Variants in TBC1D5 observed in about 807,000 individuals in gnomAD.
The protein encoded by TBC1D5 is TBC1 domain family member 5.
TBC1D5 carries 75 observed loss-of-function variants against 100.3 expected under a neutral mutation model. That is an observed-to-expected ratio of 0.75 (90% confidence interval 0.62 to 0.91). The LOEUF (loss-of-function observed/expected upper bound fraction) is 0.91, where lower values mean the gene tolerates loss of function less well. Ranked by LOEUF, TBC1D5 falls within the 40% of genes least tolerant of loss-of-function variation. The pLI, the probability that TBC1D5 is intolerant of heterozygous loss-of-function variation, is 0.00. For synonymous variants in TBC1D5, 323 were observed against 325.6 expected (o/e 0.99, Z 0.09); for missense variants, 910 against 942.4 (o/e 0.97, Z 0.45).
At chr3:17,536,379 T>G (rs903356787) in intron 2 of TBC1D5, among the ~76,000 whole-genome samples, 5 of 152,214 alleles carry the variant, frequency 3.3e-5, no homozygotes, top group Admixed American at 3.3e-4. Context: ...AAAATTTTTT[T>G]ATTGTGGTAA....
chr3:17,508,559 G>T, exon 3 of TBC1D5: 1 of 1,613,254 alleles, frequency 6.2e-7, no homozygotes. Context: ...TTTCAGATAA[G>T]GAATGATACA....
intron 2 of TBC1D5, among the ~76,000 whole-genome samples, chr3:17,596,755 C>T (rs1056726093): frequency 5.4e-5 from 8 of 148,472 alleles, no homozygotes; most frequent in Non-Finnish European, 1.0e-4. Context: ...TGCTTGGTGA[C>T]ACCAATGGGC....
At chr3:17,310,729 ATTAGATGCCTAGCATGTTTCTT>A (rs1404473258) in intron 13 of TBC1D5, among the ~76,000 whole-genome samples, 2 of 152,068 alleles carry the variant, frequency 1.3e-5, no homozygotes, top group African/African-American at 4.8e-5. Flanking sequence ...AAAATTTATC[ATTAGATGCCTAGCATGTTTCTT>A]TTATATAAAG....
At chr3:17,737,190 A>G (rs1388221178) in intron 1 of TBC1D5, among the ~76,000 whole-genome samples, 1 of 151,908 alleles carries the variant, frequency 6.6e-6, no homozygotes. Context: ...TATCTTCCCC[A>G]TGGTGCTTAT....
Position 17,176,942 on chromosome 3 carries a change from T to C in TBC1D5, c.1852+8167A>G, listed in dbSNP as rs553710117. 9.2e-5 allele frequency among the ~76,000 whole-genome samples: 14 copies of C among 152,274 alleles called. 1 individual carries two copies. In the East Asian group the frequency reaches 2.7e-3, roughly 29 times the overall value. ...TATCCTTAGTGGGAATGCTACCCCCTGTGGGAGTGCTACAACGCCAAGGCA... is the reference window on the plus strand; with the variant it reads ...TATCCTTAGTGGGAATGCTACCCCCCGTGGGAGTGCTACAACGCCAAGGCA... On this transcript the variant is annotated intron_variant, in intron 19 of 21. Coordinates refer to ENST00000253692, the Ensembl canonical transcript of TBC1D5.
intron 2 of TBC1D5, among the ~76,000 whole-genome samples, chr3:17,565,901 T>C (rs2096590592): frequency 6.6e-6 from 1 of 152,052 alleles, no homozygotes; most frequent in South Asian, 2.1e-4. Flanking sequence ...CTAGTCTCTT[T>C]AATTACTATA....
At chr3:17,574,936 A>G (rs747193916) in intron 2 of TBC1D5, among the ~76,000 whole-genome samples, 6 of 152,126 alleles carry the variant, frequency 3.9e-5, no homozygotes, top group Non-Finnish European at 8.8e-5. Context: ...TGCTACCCAG[A>G]AAGAGCCTTA....
At chr3:17,720,175 A>C (rs1207201811) in intron 1 of TBC1D5, among the ~76,000 whole-genome samples, 1 of 152,222 alleles carries the variant, frequency 6.6e-6, no homozygotes, top group Non-Finnish European at 1.5e-5. Context: ...CAAGTATTTG[A>C]CTGAAGATCC....
chr3:17,528,629 C>G (rs975654862), intron 2 of TBC1D5, among the ~76,000 whole-genome samples: 1 of 152,076 alleles, frequency 6.6e-6, no homozygotes, highest in Admixed American at 6.5e-5. Flanking sequence ...TTTCACCCCC[C>G]CATTCTCTAC....
intron 13 of TBC1D5, among the ~76,000 whole-genome samples, chr3:17,314,017 G>A (rs566561494): frequency 6.1e-4 from 93 of 152,222 alleles, no homozygotes; most frequent in Admixed American, 1.2e-3. Flanking sequence ...AAAGTGCCCT[G>A]ACCCTGTCTT....
chr3:17,696,872 C>G (rs1205543332), intron 1 of TBC1D5, among the ~76,000 whole-genome samples: 1 of 152,094 alleles, frequency 6.6e-6, no homozygotes, highest in South Asian at 2.1e-4. Flanking sequence ...ACTGGCAAAC[C>G]GAATCCAGCA....
At chr3:17,691,847 A>C (rs932180975) in intron 1 of TBC1D5, among the ~76,000 whole-genome samples, 1 of 151,948 alleles carries the variant, frequency 6.6e-6, no homozygotes, top group African/African-American at 2.4e-5. Context: ...AAAAGAAAGA[A>C]AAAAAGAAAA....
intron 8 of TBC1D5, 55 bp downstream of exon 8, chr3:17,403,126 A>C: frequency 7.0e-7 from 1 of 1,428,022 alleles, no homozygotes; most frequent in Non-Finnish European, 9.5e-7. Flanking sequence ...TAAAATTAGA[A>C]AGAGATAACA....
At chr3:17,648,106 C>G (rs1364455880) in intron 1 of TBC1D5, among the ~76,000 whole-genome samples, 1 of 152,142 alleles carries the variant, frequency 6.6e-6, no homozygotes, top group African/African-American at 2.4e-5. Flanking sequence ...GTAACCAAAA[C>G]AGCATGGTAC....
intron 1 of TBC1D5, among the ~76,000 whole-genome samples, chr3:17,716,448 G>GAAA (rs34983821): frequency 6.7e-6 from 1 of 149,524 alleles, no homozygotes; most frequent in Non-Finnish European, 1.5e-5. Flanking sequence ...TGTTCAGAGG[G>GAAA]AAAAAAAAAA....
intron 15 of TBC1D5, among the ~76,000 whole-genome samples, chr3:17,274,012 T>TAAAA (rs34350746): frequency 2.1e-5 from 3 of 139,588 alleles, no homozygotes; most frequent in African/African-American, 2.6e-5. Context: ...TGTATTTAAT[T>TAAAA]AAAAAAAAAA....
rs1335836925 is a variant in TBC1D5, at chr3:17,241,768, CA to C, written c.1332-3350del. 5.9e-5 allele frequency among the ~76,000 whole-genome samples: 9 copies of C among 152,246 alleles called. No homozygotes were observed. In the East Asian group the frequency reaches 1.5e-3, roughly 26 times the overall value. ...ATACAAAGTTAGCAGAGAACACAGT[CA>C]ACTGATCTCAATTTCTGTGTTGTGT... On this transcript the variant is annotated intron_variant, in intron 16 of 21. Transcript: ENST00000253692.
At chr3:17,725,381 G>A (rs938154060) in intron 1 of TBC1D5, among the ~76,000 whole-genome samples, 13 of 151,940 alleles carry the variant, frequency 8.6e-5, no homozygotes, top group African/African-American at 2.4e-4. Flanking sequence ...ACTTAGGAGC[G>A]AAGAAGTATT....
At chr3:17,543,877 CT>C (rs990614855) in intron 2 of TBC1D5, among the ~76,000 whole-genome samples, 3 of 144,564 alleles carry the variant, frequency 2.1e-5, no homozygotes. Flanking sequence ...TTTTTTTTTT[CT>C]TTTTTTTTGA....
Sources: gnomAD v4.1 joint callset for allele counts (sites outside exome capture counted in the v4.1 genomes callset) on GRCh38, gnomAD v4.1.1 for gene constraint, MANE v1.5 for transcripts, NCBI Gene and HGNC (gene_info 2026-07-23, HGNC 2026-07-21) for gene names.